WASF2: variants seen among roughly 807,000 people sequenced by gnomAD.
WASF2 encodes the protein WASP family member 2, also known as actin-binding protein WASF2.
A neutral mutation model predicts 45.0 loss-of-function variants in WASF2; 14 were observed. The observed-to-expected ratio is 0.31, with a 90% CI of 0.21 to 0.49. The LOEUF (loss-of-function observed/expected upper bound fraction) is 0.49. Among genes scored for constraint, WASF2 ranks in the 20% least tolerant of loss-of-function variants. The pLI is 0.99. For missense variants in WASF2, 439 were observed against 636.1 expected (o/e 0.69, Z 3.33); for synonymous variants, 200 against 236.3 (o/e 0.85, Z 1.41).
intron 4 of WASF2, among the ~76,000 whole-genome samples, chr1:27,417,783 C>A (rs372326749): frequency 6.6e-6 from 1 of 152,208 alleles, no homozygotes; most frequent in South Asian, 2.1e-4. Flanking sequence ...ACTCCTTAAG[C>A]TTTGGAAAGA....
intron 1 of WASF2, among the ~76,000 whole-genome samples, chr1:27,445,470 C>G (rs1423748101): frequency 6.6e-6 from 1 of 152,150 alleles, no homozygotes; most frequent in Non-Finnish European, 1.5e-5. Context: ...CAAGTGCCAT[C>G]AAATTCCAGA....
At chr1:27,423,852 G>T (rs2016940760) in intron 2 of WASF2, among the ~76,000 whole-genome samples, 3 of 152,164 alleles carry the variant, frequency 2.0e-5, no homozygotes, top group Admixed American at 2.0e-4. Flanking sequence ...GTCTGAGTGG[G>T]AGTCTTGGAG....
chr1:27,462,804 A>G (rs2148132338), intron 1 of WASF2, among the ~76,000 whole-genome samples: 1 of 152,320 alleles, frequency 6.6e-6, no homozygotes, highest in Non-Finnish European at 1.5e-5. Context: ...GCTGATATTC[A>G]GTGCAGGTGT....
chr1:27,453,908 T>C (rs1034465139), intron 1 of WASF2, among the ~76,000 whole-genome samples: 2 of 151,664 alleles, frequency 1.3e-5, no homozygotes, highest in African/African-American at 4.8e-5. Flanking sequence ...AAAAAGAATA[T>C]TACTATTAGC....
intron 1 of WASF2, among the ~76,000 whole-genome samples, chr1:27,439,816 T>C (rs997595529): frequency 6.6e-6 from 1 of 151,822 alleles, no homozygotes; most frequent in Admixed American, 6.6e-5. Context: ...CTGGGCAACA[T>C]GGTGAGACCT....
chr1:27,484,209 T>A (rs2017892377), intron 1 of WASF2, among the ~76,000 whole-genome samples: 1 of 151,972 alleles, frequency 6.6e-6, no homozygotes, highest in Non-Finnish European at 1.5e-5. Flanking sequence ...AAAAAATAAT[T>A]CTTCATCCTC....
At chr1:27,448,984 T>C (rs529046052) in intron 1 of WASF2, among the ~76,000 whole-genome samples, 30 of 152,136 alleles carry the variant, frequency 2.0e-4, no homozygotes, top group Admixed American at 4.6e-4. Flanking sequence ...CCATGTTCTC[T>C]CTTACCTCCA....
In WASF2 at chr1:27,407,880, A is replaced by G. The variant is rs760726091; in HGVS notation, c.*309T>C. 1.4e-4 allele frequency: 37 copies of G among 265,762 alleles called. No homozygotes were observed. The highest frequency in any genetic ancestry group is 2.5e-4 in the Non-Finnish European group (35 of 139,750). 16.5% of individuals were successfully genotyped at this position (265,762 alleles called of 1,614,324 possible). A position where few individuals can be genotyped will look rare whatever the true frequency, so the allele number is the denominator to read the frequency against. Reference sequence around the variant, plus strand: ...CTAAGGGAAGCCCCATCTCCAACAGAAACCCGATCAAAGGAATCTGCTTTG... The same window carrying G: ...CTAAGGGAAGCCCCATCTCCAACAGGAACCCGATCAAAGGAATCTGCTTTG... On this transcript the variant is annotated 3_prime_UTR_variant, in exon 9 of 9. Transcript: ENST00000618852.
In WASF2 at chr1:27,452,523, A is replaced by C. The variant is rs1362742056; in HGVS notation, c.-43-23590T>G. On this transcript the variant is annotated intron_variant, in intron 1 of 8. Transcript: ENST00000618852. Reference sequence around the variant, plus strand: ...TGAGACTGTCTAAAATAAATAAATAAATGAATAAATAGGCCAGACGCGGTG... The same window carrying C: ...TGAGACTGTCTAAAATAAATAAATACATGAATAAATAGGCCAGACGCGGTG... Among the ~76,000 whole-genome samples the C allele has an allele frequency of 2.6e-5, 4 of 151,702 alleles. No individual in the cohort carries two copies. In the East Asian group the frequency reaches 5.8e-4, roughly 22 times the overall value.
intron 1 of WASF2, among the ~76,000 whole-genome samples, chr1:27,487,102 TAG>T (rs899123282): frequency 1.6e-4 from 24 of 147,018 alleles, no homozygotes; most frequent in Non-Finnish European, 3.1e-4. Flanking sequence ...ATAATCTATA[TAG>T]AGAGATTTTT....
chr1:27,483,240 C>T (rs779931762), intron 1 of WASF2, among the ~76,000 whole-genome samples: 4 of 151,916 alleles, frequency 2.6e-5, no homozygotes, highest in African/African-American at 4.8e-5. Context: ...GAGGCTGAGG[C>T]GGGTAGATCA....
chr1:27,421,161 A>G (rs2016903678), intron 2 of WASF2, among the ~76,000 whole-genome samples: 1 of 152,218 alleles, frequency 6.6e-6, no homozygotes, highest in Non-Finnish European at 1.5e-5. Flanking sequence ...CTAAACAACT[A>G]TGGGACGCTC....
At chr1:27,424,958 C>T (rs1340326690) in intron 2 of WASF2, among the ~76,000 whole-genome samples, 1 of 152,178 alleles carries the variant, frequency 6.6e-6, no homozygotes, top group Non-Finnish European at 1.5e-5. Flanking sequence ...TACAGGCAGC[C>T]AGACAGACAA....
intron 1 of WASF2, among the ~76,000 whole-genome samples, chr1:27,469,115 AAC>A (rs1353589948): frequency 2.6e-5 from 4 of 152,170 alleles, no homozygotes; most frequent in African/African-American, 7.2e-5. Context: ...GTTTTTTAAA[AAC>A]AGTCTCTTTA....
At chr1:27,460,985 A>G (rs960384916) in intron 1 of WASF2, among the ~76,000 whole-genome samples, 7 of 152,016 alleles carry the variant, frequency 4.6e-5, no homozygotes, top group African/African-American at 2.4e-5. Flanking sequence ...TCTCTATTAA[A>G]TATACAAAAA....
At chr1:27,427,481 C>G (rs1217237803) in intron 2 of WASF2, among the ~76,000 whole-genome samples, 1 of 152,180 alleles carries the variant, frequency 6.6e-6, no homozygotes, top group Non-Finnish European at 1.5e-5. Flanking sequence ...GTCTCTGCAG[C>G]CTTGATGTGC....
At chr1:27,466,488 A>T (rs1163416921) in intron 1 of WASF2, among the ~76,000 whole-genome samples, 1 of 152,236 alleles carries the variant, frequency 6.6e-6, no homozygotes, top group Non-Finnish European at 1.5e-5. Context: ...CACTGCATAC[A>T]TGCAGCTATG....
chr1:27,421,733 G>A (rs2016911266), intron 2 of WASF2, among the ~76,000 whole-genome samples: 1 of 151,842 alleles, frequency 6.6e-6, no homozygotes, highest in African/African-American at 2.4e-5. Context: ...GAAGAATTGC[G>A]TGAACCTGGG....
intron 1 of WASF2, among the ~76,000 whole-genome samples, chr1:27,460,229 T>C (rs1322226270): frequency 6.6e-6 from 1 of 152,214 alleles, no homozygotes; most frequent in Non-Finnish European, 1.5e-5. Flanking sequence ...GCCAATTTTT[T>C]TTTTAATGGG....
Sources: gnomAD v4.1 joint callset for allele counts (sites outside exome capture counted in the v4.1 genomes callset) on GRCh38, gnomAD v4.1.1 for gene constraint, MANE v1.5 for transcripts, NCBI Gene and HGNC (gene_info 2026-07-23, HGNC 2026-07-21) for gene names.